Variants in RANBP9 observed in about 807,000 individuals in gnomAD.
RANBP9 encodes the protein RAN binding protein 9.
A neutral mutation model predicts 84.3 loss-of-function variants in RANBP9; 15 were observed. That is an observed-to-expected ratio of 0.18 (90% CI 0.12 to 0.27). RANBP9 has a LOEUF of 0.27. RANBP9 is among the 10% of genes least tolerant of loss of function. RANBP9 has a pLI of 1.00. For missense variants in RANBP9, 809 were observed against 912.8 expected (o/e 0.89, Z 1.46); for synonymous variants, 392 against 349.6 (o/e 1.12, Z -1.35).
chr6:13,635,978 A>AGCTTT (rs1454686538), intron 10 of RANBP9, among the ~76,000 whole-genome samples: 82 of 152,180 alleles, frequency 5.4e-4, no homozygotes, highest in Non-Finnish European at 1.0e-3. Context: ...AAGTTATTAT[A>AGCTTT]TTACAGAGTA....
chr6:13,644,886 C>T (rs191746295), intron 5 of RANBP9, among the ~76,000 whole-genome samples, 157 bp from the exon 6 acceptor site: 1 of 152,154 alleles, frequency 6.6e-6, no homozygotes, highest in Non-Finnish European at 1.5e-5. Flanking sequence ...ATCTAAAATA[C>T]ATTATATGTT....
chr6:13,622,610 TATC>T, intron 13 of RANBP9, 118 bp from the exon 14 acceptor site: 3 of 1,089,274 alleles, frequency 2.8e-6, no homozygotes, highest in Non-Finnish European at 3.7e-6. Flanking sequence ...CACTCTGAAA[TATC>T]AGCAAATGAA....
intron 2 of RANBP9, among the ~76,000 whole-genome samples, chr6:13,690,347 T>C (rs1223181184): frequency 1.3e-5 from 2 of 152,264 alleles, no homozygotes; most frequent in Admixed American, 1.3e-4. Context: ...GTTTACTCTT[T>C]GTTCACATTT....
intron 4 of RANBP9, among the ~76,000 whole-genome samples, chr6:13,655,838 G>A (rs921768229): frequency 1.3e-5 from 2 of 152,164 alleles, no homozygotes; most frequent in African/African-American, 2.4e-5. Flanking sequence ...AGTCAGAATA[G>A]TAACAACAAA....
chr6:13,658,982 A>C (rs1765474724), intron 2 of RANBP9, 150 bp from the exon 3 acceptor site: 1 of 712,456 alleles, frequency 1.4e-6, no homozygotes, highest in African/African-American at 1.8e-5. Context: ...TTATTATGTA[A>C]CAACAACGGG....
chr6:13,657,054 A>G, intron 4 of RANBP9, 55 bp downstream of exon 4: 1 of 1,424,092 alleles, frequency 7.0e-7, no homozygotes, highest in South Asian at 1.4e-5. Flanking sequence ...ACCATCCTGG[A>G]AGTATAATAA....
chr6:13,630,934 T>C (rs113140048), intron 12 of RANBP9, among the ~76,000 whole-genome samples: 1 of 151,934 alleles, frequency 6.6e-6, no homozygotes, highest in Admixed American at 6.6e-5. Context: ...CTCAGCCTCC[T>C]GAGTAGCTGG....
At chr6:13,682,036 A>G (rs1766052718) in intron 2 of RANBP9, among the ~76,000 whole-genome samples, 1 of 151,742 alleles carries the variant, frequency 6.6e-6, no homozygotes, top group Admixed American at 6.6e-5. Context: ...TAATTTTTGT[A>G]TTTTTAGTAG....
At chr6:13,691,910 C>G (rs1202373092) in intron 2 of RANBP9, among the ~76,000 whole-genome samples, 1 of 152,114 alleles carries the variant, frequency 6.6e-6, no homozygotes, top group Non-Finnish European at 1.5e-5. Flanking sequence ...TCATGATCCA[C>G]CGGCATCAGC....
intron 2 of RANBP9, among the ~76,000 whole-genome samples, chr6:13,679,922 C>T (rs1049956802): frequency 3.3e-5 from 5 of 151,556 alleles, no homozygotes; most frequent in African/African-American, 7.3e-5. Flanking sequence ...TAATATAAAT[C>T]GGTCAAAAAA....
intron 2 of RANBP9, among the ~76,000 whole-genome samples, chr6:13,671,333 TAC>T (rs1369446359): frequency 2.6e-5 from 4 of 152,192 alleles, no homozygotes; most frequent in Admixed American, 6.5e-5. Context: ...CACATAGCCA[TAC>T]TATGTTACAC....
chr6:13,641,383 A>T (rs1765058405), intron 7 of RANBP9, 76 bp from the exon 8 acceptor site: 1 of 828,886 alleles, frequency 1.2e-6, no homozygotes, highest in Non-Finnish European at 1.9e-6. Context: ...CTCAGAAAAG[A>T]AAGTTAGTAA....
At chr6:13,705,406 CAAAAAAAAAAAAAA>C (rs774239782) in intron 1 of RANBP9, among the ~76,000 whole-genome samples, 9 of 26,758 alleles carry the variant, frequency 3.4e-4, no homozygotes, top group South Asian at 4.3e-3. Flanking sequence ...GATTCTGTCT[CAAAAAAAAAAAAAA>C]AAAAAAAAAA....
At chr6:13,693,178 T>C (rs993657143) in intron 2 of RANBP9, among the ~76,000 whole-genome samples, 5 of 151,980 alleles carry the variant, frequency 3.3e-5, no homozygotes, top group East Asian at 1.9e-4. Flanking sequence ...GCTAGGCAAA[T>C]AGAGAAAGGG....
intron 10 of RANBP9, among the ~76,000 whole-genome samples, chr6:13,636,496 G>C (rs1457538907): frequency 6.6e-6 from 1 of 152,126 alleles, no homozygotes; most frequent in Non-Finnish European, 1.5e-5. Flanking sequence ...TAATAGATCT[G>C]TTTAGCAACT....
chr6:13,699,810 T>C (rs1012939727), intron 1 of RANBP9, among the ~76,000 whole-genome samples: 2 of 152,124 alleles, frequency 1.3e-5, no homozygotes, highest in African/African-American at 2.4e-5. Flanking sequence ...TGCAAGGGCC[T>C]GACAGCGCCA....
Position 13,655,767 on chromosome 6 carries a change from T to C in RANBP9, c.904+1342A>G, listed in dbSNP as rs141534151. Among the ~76,000 whole-genome samples the C allele has an allele frequency of 3.8e-3, 575 of 152,294 alleles. 3 individuals carry two copies. Among genetic ancestry groups the C allele is most frequent in the African/African-American group, 0.013 (560 of 41,556 alleles). Reference sequence around the variant, plus strand: ...GCCAAAGGTCACACCTAAAAGCAGATTTCTCCGGATTCAAAACTTCCAACA... The same window carrying C: ...GCCAAAGGTCACACCTAAAAGCAGACTTCTCCGGATTCAAAACTTCCAACA... On this transcript the variant is annotated intron_variant, in intron 4 of 13. Coordinates refer to ENST00000011619, the MANE Select transcript of RANBP9 (RefSeq NM_005493.3).
intron 2 of RANBP9, among the ~76,000 whole-genome samples, chr6:13,671,721 T>C (rs554557143): frequency 1.3e-5 from 2 of 152,230 alleles, no homozygotes; most frequent in South Asian, 4.1e-4. Context: ...TCTGTGAATA[T>C]AGTAAAAATT....
chr6:13,685,319 A>C (rs11965800), intron 2 of RANBP9, among the ~76,000 whole-genome samples: 7,821 of 152,328 alleles, frequency 0.051, 212 homozygotes, highest in Middle Eastern at 0.085. Flanking sequence ...AAAGATATTC[A>C]GAGCTTTTAA....
Sources: gnomAD v4.1 joint callset for allele counts (sites outside exome capture counted in the v4.1 genomes callset) on GRCh38, gnomAD v4.1.1 for gene constraint, MANE v1.5 for transcripts, NCBI Gene and HGNC (gene_info 2026-07-23, HGNC 2026-07-21) for gene names.